The following WWP1 variants were observed in gnomAD, a reference collection of about 807,000 sequenced individuals.
WWP1 encodes the protein WW domain containing E3 ubiquitin protein ligase 1.
WWP1 carries 49 observed loss-of-function variants against 130.6 expected under a neutral mutation model. The observed-to-expected ratio is 0.38, with a 90% confidence interval of 0.30 to 0.48. WWP1 has a LOEUF of 0.48. WWP1 is among the 20% of genes least tolerant of loss of function. The probability of loss-of-function intolerance (pLI) is 0.99; values close to 1 mark genes in which losing one functional copy is unlikely to be tolerated. For synonymous variants in WWP1, 332 were observed against 367.8 expected (o/e 0.90, Z 1.11); for missense variants, 809 against 1,100.6 (o/e 0.74, Z 3.75).
intron 22 of WWP1, 43 bp from the exon 23 acceptor site, chr8:86,461,181 T>C: frequency 1.3e-6 from 2 of 1,498,850 alleles, no homozygotes; most frequent in Non-Finnish European, 1.9e-6. Flanking sequence ...TGATTGAAGA[T>C]AGTTTAGCAT....
chr8:86,347,599 G>A (rs952786417), intron 1 of WWP1, among the ~76,000 whole-genome samples: 9 of 152,172 alleles, frequency 5.9e-5, no homozygotes, highest in African/African-American at 2.2e-4. Flanking sequence ...GTGGCTATTG[G>A]TAGGTGATAT....
chr8:86,412,894 T>C (rs1480309548), intron 9 of WWP1, among the ~76,000 whole-genome samples: 2 of 152,182 alleles, frequency 1.3e-5, no homozygotes, highest in Non-Finnish European at 2.9e-5. Flanking sequence ...AATGGCACGA[T>C]CTTGGCTCAC....
At position 86,442,560 on chromosome 8, in the gene WWP1, ATC is replaced by A; in HGVS notation, c.1839-57_1839-56del. The A allele has an allele frequency of 2.8e-6, 4 of 1,440,950 alleles. No homozygotes were observed. The South Asian group carries it at 4.0e-5, about 15-fold the overall frequency. 89.3% of individuals were successfully genotyped at this position (1,440,950 alleles called of 1,614,324 possible). A position where few individuals can be genotyped will look rare whatever the true frequency, so the allele number is the denominator to read the frequency against. On this transcript the variant is annotated intron_variant, in intron 17 of 24. Coordinates refer to ENST00000517970, the MANE Select transcript of WWP1 (RefSeq NM_007013.4). ...TGATGTATATATGAATATATTTAAG[ATC>A]TGTTTTTAAATTCACATATTAATGC...
chr8:86,432,496 TC>T (rs1354291343), intron 14 of WWP1, among the ~76,000 whole-genome samples: 1 of 151,228 alleles, frequency 6.6e-6, no homozygotes, highest in Non-Finnish European at 1.5e-5. Flanking sequence ...AGGTTTTATT[TC>T]TCTACAAAAT....
At chr8:86,461,354 T>C in intron 23 of WWP1, 34 bp downstream of exon 23, 1 of 1,566,290 alleles carries the variant, frequency 6.4e-7, no homozygotes, top group East Asian at 2.2e-5. Context: ...TCTCTGTACG[T>C]AATTTTGTGA....
intron 5 of WWP1, among the ~76,000 whole-genome samples, chr8:86,390,669 C>A (rs1003575891): frequency 4.8e-5 from 7 of 145,030 alleles, no homozygotes; most frequent in Non-Finnish European, 1.0e-4. Context: ...GGCTCAGCAT[C>A]AGAGGGAGAC....
At position 86,373,442 on chromosome 8, in the gene WWP1, A is replaced by G. The variant is rs148944432; in HGVS notation, c.-21-588A>G. 4.6e-5 allele frequency among the ~76,000 whole-genome samples: 7 copies of G among 152,058 alleles called. No individual in the cohort carries two copies. In the East Asian group the frequency reaches 5.8e-4, roughly 13 times the overall value. On this transcript the variant is annotated intron_variant, in intron 2 of 24. Coordinates refer to ENST00000517970, the MANE Select transcript of WWP1 (RefSeq NM_007013.4). ...ACCCACAACAATGGCCAATTTGTCAATTTCTTCCTGTAGTTTTTACTGTAT... is the reference window on the plus strand; with the variant it reads ...ACCCACAACAATGGCCAATTTGTCAGTTTCTTCCTGTAGTTTTTACTGTAT...
intron 11 of WWP1, among the ~76,000 whole-genome samples, chr8:86,429,926 C>T (rs944086669): frequency 3.3e-5 from 5 of 152,110 alleles, no homozygotes; most frequent in Non-Finnish European, 5.9e-5. Flanking sequence ...TGGCTGGGAG[C>T]GGTGGCTTAC....
chr8:86,464,065 AAAAC>A (rs1450767386), intron 24 of WWP1, among the ~76,000 whole-genome samples: 1 of 151,976 alleles, frequency 6.6e-6, no homozygotes, highest in Non-Finnish European at 1.5e-5. Context: ...TGTCTCAAAA[AAAAC>A]AAAAAAAAGA....
chr8:86,369,832 G>A (rs1000330040), intron 2 of WWP1, among the ~76,000 whole-genome samples: 2 of 151,886 alleles, frequency 1.3e-5, no homozygotes, highest in African/African-American at 2.4e-5. Flanking sequence ...ACAGGCCCCA[G>A]TAATTACACT....
chr8:86,456,803 G>A (rs551067622), intron 21 of WWP1, among the ~76,000 whole-genome samples: 49 of 152,022 alleles, frequency 3.2e-4, no homozygotes, highest in Middle Eastern at 3.4e-3. Context: ...CAACAGCATG[G>A]ATGAATCTCA....
At chr8:86,353,259 A>G (rs1334728364) in intron 1 of WWP1, among the ~76,000 whole-genome samples, 1 of 152,208 alleles carries the variant, frequency 6.6e-6, no homozygotes, top group Non-Finnish European at 1.5e-5. Flanking sequence ...GATGACACCT[A>G]CGGGCTACTT....
chr8:86,441,577 C>T (rs367680509), intron 17 of WWP1, among the ~76,000 whole-genome samples: 53 of 152,164 alleles, frequency 3.5e-4, no homozygotes, highest in African/African-American at 1.1e-3. Flanking sequence ...TTAAAACACT[C>T]GACCTGCAAT....
intron 7 of WWP1, among the ~76,000 whole-genome samples, chr8:86,400,609 A>G (rs1276362489): frequency 6.6e-6 from 1 of 152,196 alleles, no homozygotes; most frequent in Non-Finnish European, 1.5e-5. Flanking sequence ...AAGTTTGTTT[A>G]CAGTTATGTT....
chr8:86,435,640 C>T lies in WWP1; in HGVS notation c.1685C>T (p.Ala562Val). Residue 562 changes from alanine to valine, a missense_variant, in exon 16 of 25, where the codon GCA becomes GTA. Around this residue, in one of 3 missense-constraint regions of WWP1, gnomAD observed 450 missense variants for 674.2 expected, o/e 0.67. Transcript: ENST00000517970. ...AHFRYLCQSN[A>V]LPSHVKINVS... Reference sequence around the variant, plus strand: ...TATTATTTTTGTTTTTAGTCTAATGCACTACCTAGTCATGTAAAGATCAAT... The same window carrying T: ...TATTATTTTTGTTTTTAGTCTAATGTACTACCTAGTCATGTAAAGATCAAT... The T allele has an allele frequency of 3.1e-6, 5 of 1,613,070 alleles. No homozygotes were observed. The South Asian group carries it at 5.5e-5, about 18-fold the overall frequency.
intron 21 of WWP1, among the ~76,000 whole-genome samples, chr8:86,457,140 CAA>C (rs1297939737): frequency 6.6e-6 from 1 of 151,642 alleles, no homozygotes; most frequent in East Asian, 1.9e-4. Flanking sequence ...AATTATACCT[CAA>C]AGTTGACTTA....
chr8:86,460,848 C>G (rs200680953), intron 22 of WWP1, among the ~76,000 whole-genome samples: 1 of 116,834 alleles, frequency 8.6e-6, no homozygotes, highest in South Asian at 3.1e-4. Flanking sequence ...CTTGCTCTGT[C>G]GCCCAGGCTG....
intron 9 of WWP1, among the ~76,000 whole-genome samples, chr8:86,416,752 A>C (rs901077399): frequency 1.3e-5 from 2 of 152,102 alleles, no homozygotes; most frequent in African/African-American, 4.8e-5. Context: ...ATTAATCAGT[A>C]ATTTGGTAAT....
chr8:86,359,724 C>T (rs1485983290), intron 1 of WWP1, among the ~76,000 whole-genome samples: 3 of 152,016 alleles, frequency 2.0e-5, no homozygotes, highest in African/African-American at 7.2e-5. Flanking sequence ...ACAGCTTCTG[C>T]TTGCCTGTAA....
Sources: allele counts gnomAD v4.1 joint callset (sites outside exome capture counted in the v4.1 genomes callset), GRCh38; gene constraint gnomAD v4.1.1; regional missense constraint gnomAD v4.1.1; transcripts MANE v1.5; gene names NCBI Gene and HGNC (gene_info 2026-07-23, HGNC 2026-07-21).